GRIN2B: variants seen among roughly 807,000 people sequenced by gnomAD.
GRIN2B encodes the protein glutamate ionotropic receptor NMDA type subunit 2B.
In GRIN2B, 5 loss-of-function variants were observed where a neutral mutation model predicts 114.5. That is an observed-to-expected ratio of 0.04 (90% confidence interval 0.02 to 0.09). The LOEUF (loss-of-function observed/expected upper bound fraction) is 0.09. GRIN2B is among the 10% of genes least tolerant of loss of function. The pLI is 1.00. For missense variants in GRIN2B, 1,108 were observed against 1,943.5 expected (o/e 0.57, Z 8.08); for synonymous variants, 787 against 745.1 (o/e 1.06, Z -0.92).
intron 5 of GRIN2B, among the ~76,000 whole-genome samples, chr12:13,627,817 CT>C (rs1240752233): frequency 6.6e-6 from 1 of 152,230 alleles, no homozygotes; most frequent in Non-Finnish European, 1.5e-5. Context: ...CTTGGCATCT[CT>C]TACCACCTGG....
rs1948514740 is a variant in GRIN2B at position 13,559,569 on chromosome 12, T to G, written c.*3214A>C. 1 of 152,168 alleles carries G rather than the reference T, an allele frequency of 6.6e-6. No individual in the cohort carries two copies. Among genetic ancestry groups the G allele is most frequent in the Non-Finnish European group, 1.5e-5 (1 of 68,032 alleles). 9.4% of individuals were successfully genotyped at this position (152,168 alleles called of 1,614,324 possible). Reference sequence around the variant, plus strand: ...TTGCTCACATACCCACCCTCCCACGTCTAAACCTAACTTCAGCAATCTTGC... The same window carrying G: ...TTGCTCACATACCCACCCTCCCACGGCTAAACCTAACTTCAGCAATCTTGC... On this transcript the variant is annotated 3_prime_UTR_variant, in exon 14 of 14. Transcript: ENST00000609686.
At chr12:13,832,980 A>C (rs1346651561) in intron 3 of GRIN2B, among the ~76,000 whole-genome samples, 1 of 152,200 alleles carries the variant, frequency 6.6e-6, no homozygotes, top group Non-Finnish European at 1.5e-5. Flanking sequence ...ATTCTGATGA[A>C]TAAAACATAT....
intron 5 of GRIN2B, chr12:13,670,316 G>A (rs1221510301): frequency 6.6e-6 from 1 of 151,998 alleles, no homozygotes. Flanking sequence ...AGAGGGAGTG[G>A]GCTTATAAAA....
chr12:13,834,909 G>A (rs1865230243), intron 3 of GRIN2B, among the ~76,000 whole-genome samples: 1 of 152,170 alleles, frequency 6.6e-6, no homozygotes, highest in African/African-American at 2.4e-5. Context: ...GAGCGACCCA[G>A]GCATCTGTAT....
intron 2 of GRIN2B, among the ~76,000 whole-genome samples, chr12:13,900,828 C>T (rs958967886): frequency 6.6e-6 from 1 of 152,094 alleles, no homozygotes; most frequent in Non-Finnish European, 1.5e-5. Context: ...CTATAGCATA[C>T]TTCTGAGATT....
intron 5 of GRIN2B, among the ~76,000 whole-genome samples, chr12:13,620,213 T>G (rs1334900195): frequency 1.8e-4 from 27 of 151,928 alleles, no homozygotes; most frequent in Non-Finnish European, 2.9e-5. Flanking sequence ...GGGAACAGAG[T>G]GGTGCAGAGG....
At chr12:13,693,223 T>C (rs1346468253) in intron 4 of GRIN2B, among the ~76,000 whole-genome samples, 2 of 152,184 alleles carry the variant, frequency 1.3e-5, no homozygotes, top group Non-Finnish European at 2.9e-5. Flanking sequence ...GATGGTCAAA[T>C]TGGTTTCATT....
intron 5 of GRIN2B, among the ~76,000 whole-genome samples, chr12:13,628,794 A>G (rs1217210680): frequency 3.9e-5 from 6 of 152,246 alleles, no homozygotes; most frequent in Admixed American, 2.0e-4. Context: ...TCCAGACCAC[A>G]AATCTGAATG....
intron 2 of GRIN2B, among the ~76,000 whole-genome samples, chr12:13,932,952 C>CGTGTGTGTGTGTGTGT (rs5796568): frequency 6.7e-6 from 1 of 148,698 alleles, no homozygotes; most frequent in Non-Finnish European, 1.5e-5. Context: ...AGGGCTTTGT[C>CGTGTGTGTGTGTGTGT]GTGTGTGTGT....
chr12:13,622,083 C>T (rs929931349), intron 5 of GRIN2B, among the ~76,000 whole-genome samples: 5 of 152,142 alleles, frequency 3.3e-5, no homozygotes, highest in African/African-American at 9.7e-5. Flanking sequence ...CAAAGGACAT[C>T]GGTCTCCTCG....
At chr12:13,895,673 G>A (rs1866340703) in intron 2 of GRIN2B, among the ~76,000 whole-genome samples, 1 of 152,190 alleles carries the variant, frequency 6.6e-6, no homozygotes, top group African/African-American at 2.4e-5. Flanking sequence ...TACAACATTA[G>A]GCTAGCTATC....
intron 2 of GRIN2B, among the ~76,000 whole-genome samples, chr12:13,912,474 C>A (rs916516294): frequency 6.6e-6 from 1 of 152,188 alleles, no homozygotes; most frequent in Non-Finnish European, 1.5e-5. Flanking sequence ...ATGACCTACA[C>A]TAAACCGCCA....
At chr12:13,613,751 A>G (rs1036026635) in intron 8 of GRIN2B, among the ~76,000 whole-genome samples, 1 of 152,198 alleles carries the variant, frequency 6.6e-6, no homozygotes, top group Non-Finnish European at 1.5e-5. Flanking sequence ...GAGTTAATAT[A>G]ACCAAAGGAT....
In GRIN2B at chr12:13,561,937, A is replaced by G. The variant is rs200894825; in HGVS notation, c.*846T>C. The G allele has an allele frequency of 6.6e-6, 1 of 152,664 alleles. No homozygotes were observed. The highest frequency in any genetic ancestry group is 2.4e-5 in the African/African-American group (1 of 41,456). The allele number at this position is 152,664 out of a possible 1,614,324, so 9.5% of individuals were successfully genotyped here. ...TACATGGCCATCTCTGTCTGTATAT[A>G]AGCCAAACAATCACACTGCTTGGGG... On this transcript the variant is annotated 3_prime_UTR_variant, in exon 14 of 14. Transcript: ENST00000609686.
At chr12:13,614,465 A>C (rs1949409400) in intron 8 of GRIN2B, among the ~76,000 whole-genome samples, 1 of 152,118 alleles carries the variant, frequency 6.6e-6, no homozygotes, top group African/African-American at 2.4e-5. Flanking sequence ...TGAGCTCACA[A>C]AAGACCTCAT....
At chr12:13,804,443 G>C (rs1008109928) in intron 3 of GRIN2B, among the ~76,000 whole-genome samples, 1 of 151,864 alleles carries the variant, frequency 6.6e-6, no homozygotes, top group African/African-American at 2.4e-5. Flanking sequence ...TTTTAGTCCT[G>C]TCTCTTCCAT....
intron 5 of GRIN2B, among the ~76,000 whole-genome samples, chr12:13,656,308 G>C (rs1436714274): frequency 6.6e-6 from 1 of 152,188 alleles, no homozygotes; most frequent in African/African-American, 2.4e-5. Context: ...ACGTAAAACA[G>C]TATCTAGGAT....
At chr12:13,789,690 A>G (rs1018956073) in intron 3 of GRIN2B, among the ~76,000 whole-genome samples, 9 of 152,206 alleles carry the variant, frequency 5.9e-5, no homozygotes, top group Admixed American at 5.9e-4. Flanking sequence ...AGAGTTGGGT[A>G]AAGTGAGGAG....
At chr12:13,910,472 A>G (rs1866610896) in intron 2 of GRIN2B, among the ~76,000 whole-genome samples, 1 of 152,168 alleles carries the variant, frequency 6.6e-6, no homozygotes, top group South Asian at 2.1e-4. Flanking sequence ...CTGGTTTCAA[A>G]GAAGGTGCAG....
Sources: allele counts gnomAD v4.1 joint callset (sites outside exome capture counted in the v4.1 genomes callset), GRCh38; gene constraint gnomAD v4.1.1; transcripts MANE v1.5; gene names NCBI Gene and HGNC (gene_info 2026-07-23, HGNC 2026-07-21).